CNTNAP2: variants seen among roughly 807,000 people sequenced by gnomAD.
CNTNAP2 encodes contactin-associated protein-like 2.
CNTNAP2 carries 98 observed loss-of-function variants against 155.2 expected under a neutral mutation model. That is an observed-to-expected ratio of 0.63 (90% CI 0.54 to 0.75). CNTNAP2 has a LOEUF of 0.75. CNTNAP2 is among the 30% of genes least tolerant of loss of function. CNTNAP2 has a pLI of 0.00. For missense variants in CNTNAP2, 1,727 were observed against 1,688.1 expected (o/e 1.02, Z -0.40); for synonymous variants, 651 against 631.2 (o/e 1.03, Z -0.47).
intron 1 of CNTNAP2, among the ~76,000 whole-genome samples, chr7:146,211,294 C>A (rs189718864): frequency 6.6e-6 from 1 of 152,070 alleles, no homozygotes; most frequent in Non-Finnish European, 1.5e-5. Flanking sequence ...AATTTTCCTC[C>A]GGCAATTTCG....
At chr7:148,221,944 T>C (rs1212804358) in intron 19 of CNTNAP2, among the ~76,000 whole-genome samples, 1 of 152,214 alleles carries the variant, frequency 6.6e-6, no homozygotes, top group Non-Finnish European at 1.5e-5. Flanking sequence ...ATGGTGTCCA[T>C]AGAAAATTAT....
chr7:146,230,311 C>G (rs968162053), intron 1 of CNTNAP2, among the ~76,000 whole-genome samples: 3 of 152,106 alleles, frequency 2.0e-5, no homozygotes, highest in African/African-American at 4.8e-5. Flanking sequence ...CTGGCAGGAA[C>G]AGGAAAGCAT....
intron 8 of CNTNAP2, among the ~76,000 whole-genome samples, chr7:147,283,302 T>C (rs994401021): frequency 2.6e-5 from 4 of 151,882 alleles, no homozygotes; most frequent in African/African-American, 9.7e-5. Context: ...CATATTATGA[T>C]TGTATAGTTC....
intron 3 of CNTNAP2, among the ~76,000 whole-genome samples, chr7:146,967,565 G>C (rs1797683111): frequency 6.6e-6 from 1 of 152,118 alleles, no homozygotes. Context: ...TATTCTCTTT[G>C]AAGCAATTGT....
chr7:146,257,562 T>C (rs1799858847), intron 1 of CNTNAP2, among the ~76,000 whole-genome samples: 1 of 152,174 alleles, frequency 6.6e-6, no homozygotes, highest in Non-Finnish European at 1.5e-5. Flanking sequence ...GGCCCAGGTG[T>C]TCTAATGGAC....
intron 1 of CNTNAP2, among the ~76,000 whole-genome samples, chr7:146,481,403 T>C (rs1796958619): frequency 6.6e-6 from 1 of 152,218 alleles, no homozygotes; most frequent in Non-Finnish European, 1.5e-5. Context: ...TATGTGACCT[T>C]TTGCAAGTTA....
chr7:147,200,150 C>T (rs888412391), intron 8 of CNTNAP2, among the ~76,000 whole-genome samples: 6 of 151,614 alleles, frequency 4.0e-5, no homozygotes, highest in Non-Finnish European at 5.9e-5. Flanking sequence ...TGCTGCTTCT[C>T]CCCTGTTGCT....
intron 13 of CNTNAP2, among the ~76,000 whole-genome samples, chr7:147,687,209 A>G (rs1796027553): frequency 6.6e-6 from 1 of 152,126 alleles, no homozygotes; most frequent in Non-Finnish European, 1.5e-5. Context: ...ATTCATAGAA[A>G]AATAAATGAT....
chr7:146,130,082 G>A (rs1264171546), intron 1 of CNTNAP2, among the ~76,000 whole-genome samples: 1 of 152,146 alleles, frequency 6.6e-6, no homozygotes, highest in East Asian at 1.9e-4. Context: ...TGTTAAACGT[G>A]TAATGAAAAG....
intron 1 of CNTNAP2, among the ~76,000 whole-genome samples, chr7:146,159,469 C>T (rs1366981386): frequency 2.0e-5 from 3 of 152,108 alleles, no homozygotes; most frequent in African/African-American, 7.2e-5. Context: ...AGTCAAGACC[C>T]ATCAGTGTGC....
At chr7:147,737,495 C>T (rs905270677) in intron 13 of CNTNAP2, among the ~76,000 whole-genome samples, 6 of 152,100 alleles carry the variant, frequency 3.9e-5, no homozygotes, top group African/African-American at 1.2e-4. Context: ...GCAGTCTGTC[C>T]GTTCGCAGAT....
chr7:147,539,145 A>G (rs901487851), intron 11 of CNTNAP2, among the ~76,000 whole-genome samples: 1 of 152,184 alleles, frequency 6.6e-6, no homozygotes, highest in Non-Finnish European at 1.5e-5. Context: ...ATATATACAT[A>G]TATCAAAAAT....
At chr7:146,817,684 C>T (rs1375995866) in intron 2 of CNTNAP2, among the ~76,000 whole-genome samples, 1 of 151,922 alleles carries the variant, frequency 6.6e-6, no homozygotes, top group Non-Finnish European at 1.5e-5. Flanking sequence ...CAGGGAGATG[C>T]TACTCACTTT....
chr7:147,059,184 T>A (rs1477667451), intron 4 of CNTNAP2, among the ~76,000 whole-genome samples: 1 of 152,228 alleles, frequency 6.6e-6, no homozygotes, highest in Non-Finnish European at 1.5e-5. Flanking sequence ...ATCATGCTTA[T>A]TTGGAGTTGT....
intron 8 of CNTNAP2, among the ~76,000 whole-genome samples, chr7:147,230,672 G>A (rs1803660127): frequency 6.6e-6 from 1 of 152,136 alleles, no homozygotes; most frequent in Non-Finnish European, 1.5e-5. Flanking sequence ...AATCCAGGCT[G>A]TACATTAGAC....
chr7:147,251,260 C>T (rs1245108651), intron 8 of CNTNAP2, among the ~76,000 whole-genome samples: 2 of 152,204 alleles, frequency 1.3e-5, no homozygotes, highest in Non-Finnish European at 2.9e-5. Flanking sequence ...CTGCCGAAGA[C>T]TCTGCCCACA....
intron 1 of CNTNAP2, among the ~76,000 whole-genome samples, chr7:146,437,918 G>A (rs1256537539): frequency 2.0e-5 from 3 of 150,656 alleles, no homozygotes; most frequent in African/African-American, 2.5e-5. Flanking sequence ...CTTTCTTACC[G>A]GAGTAAGGGA....
intron 3 of CNTNAP2, among the ~76,000 whole-genome samples, chr7:147,027,421 T>C (rs936906069): frequency 3.9e-5 from 6 of 152,216 alleles, no homozygotes; most frequent in African/African-American, 1.4e-4. Context: ...ATAACAAACA[T>C]ATTGCTTCAA....
intron 13 of CNTNAP2, among the ~76,000 whole-genome samples, chr7:147,669,375 C>T (rs1395113549): frequency 1.3e-5 from 2 of 152,158 alleles, no homozygotes; most frequent in African/African-American, 4.8e-5. Context: ...TTAAAATGAA[C>T]AGCCTTGTAA....
Sources: gnomAD v4.1 joint callset for allele counts (sites outside exome capture counted in the v4.1 genomes callset) on GRCh38, gnomAD v4.1.1 for gene constraint, MANE v1.5 for transcripts, NCBI Gene and HGNC (gene_info 2026-07-23, HGNC 2026-07-21) for gene names.